The following GLI3 variants were observed in gnomAD, a reference collection of about 807,000 sequenced individuals.
The protein encoded by GLI3 is transcription activator GLI3.
Under a neutral mutation model 100.8 loss-of-function variants are expected in GLI3, and 20 were observed. The observed-to-expected ratio is 0.20, with a 90% CI of 0.14 to 0.29. GLI3 has a LOEUF of 0.29. Among genes scored for constraint, GLI3 ranks in the 10% least tolerant of loss-of-function variants. The pLI is 1.00. For missense variants in GLI3, 2,040 were observed against 2,128.5 expected (o/e 0.96, Z 0.82); for synonymous variants, 938 against 860.5 (o/e 1.09, Z -1.58).
chr7:41,998,801 T>C (rs1208050820), intron 10 of GLI3, among the ~76,000 whole-genome samples: 1 of 152,234 alleles, frequency 6.6e-6, no homozygotes, highest in Non-Finnish European at 1.5e-5. Flanking sequence ...TTTTTTGTGT[T>C]ATGCAAATCT....
intron 4 of GLI3, among the ~76,000 whole-genome samples, chr7:42,062,302 TTTTG>T (rs1372217882): frequency 3.3e-5 from 5 of 152,214 alleles, no homozygotes; most frequent in African/African-American, 9.6e-5. Flanking sequence ...TTGAATACAC[TTTTG>T]TTTAAAATTT....
intron 3 of GLI3, among the ~76,000 whole-genome samples, chr7:42,084,346 G>A (rs1785057749): frequency 6.6e-6 from 1 of 152,184 alleles, no homozygotes; most frequent in African/African-American, 2.4e-5. Context: ...CTTCAGGTAT[G>A]TCCTCAGTCG....
At chr7:42,069,890 T>A (rs561435680) in intron 4 of GLI3, among the ~76,000 whole-genome samples, 2 of 152,310 alleles carry the variant, frequency 1.3e-5, no homozygotes, top group South Asian at 4.1e-4. Flanking sequence ...AGTTTGCCAA[T>A]CCCTGTTTTA....
chr7:42,244,474 C>A (rs1315870077), intron 1 of GLI3, among the ~76,000 whole-genome samples: 1 of 152,066 alleles, frequency 6.6e-6, no homozygotes, highest in Non-Finnish European at 1.5e-5. Context: ...CAAAGTTGAG[C>A]CTGAAATACA....
intron 1 of GLI3, among the ~76,000 whole-genome samples, chr7:42,230,526 G>T (rs1374330599): frequency 6.6e-6 from 1 of 152,200 alleles, no homozygotes; most frequent in Non-Finnish European, 1.5e-5. Flanking sequence ...CCACTGAAAA[G>T]CTTATTTGAC....
chr7:42,123,186 C>T (rs759630405), intron 3 of GLI3, among the ~76,000 whole-genome samples: 1 of 152,176 alleles, frequency 6.6e-6, no homozygotes, highest in African/African-American at 2.4e-5. Flanking sequence ...CAGGCCAACA[C>T]TTTTTTCACC....
chr7:42,223,309 C>A lies in GLI3; in HGVS notation c.-42-14G>T, dbSNP rs78976053. The A allele has an allele frequency of 2.0e-6, 3 of 1,503,838 alleles. No homozygotes were observed. Among genetic ancestry groups the A allele is most frequent in the African/African-American group, 1.4e-5 (1 of 71,760 alleles). 93.2% of individuals were successfully genotyped at this position (1,503,838 alleles called of 1,614,324 possible). On this transcript the variant is annotated splice_polypyrimidine_tract_variant and intron_variant, in intron 1 of 14. Coordinates refer to ENST00000395925, the MANE Select transcript of GLI3 (RefSeq NM_000168.6). The stretch of plus-strand genomic sequence containing the variant: ...ACCAAAAATGCCCTAAAGAAAACAA[C>A]AGAGCCATCAACTTTCCAAAATGGT...
Position 41,966,203 on chromosome 7 carries a change from A to C in GLI3, c.2870T>G (p.Leu957Arg). The C allele has an allele frequency of 6.2e-7, 1 of 1,607,014 alleles. No homozygotes were observed. Among genetic ancestry groups the C allele is most frequent in the Non-Finnish European group, 8.5e-7 (1 of 1,178,570 alleles). ...NMERMSLKTR[L>R]ALLGDALEPG... The stretch of plus-strand genomic sequence containing the variant: ...CTCGAGGGCATCCCCGAGCAGCGCC[A>C]GGCGCGTCTTCAGGCTCATCCTCTC... The change falls in exon 15 of 15, where the codon CTG becomes CGG. Residue 957 changes from leucine to arginine, a missense_variant. Physicochemically the swap from Leu to Arg is moderately radical, Grantham distance 102 (BLOSUM62 -2). Around this residue, in one of 5 missense-constraint regions of GLI3, gnomAD observed 1,041 missense variants for 924.0 expected, o/e 1.13. Coordinates refer to ENST00000395925, the MANE Select transcript of GLI3 (RefSeq NM_000168.6). The surrounding 1 kb of genome is among the most constrained non-coding windows in gnomAD (Gnocchi z 5.8).
At chr7:42,231,644 C>CATTA (rs1222103933) in intron 1 of GLI3, among the ~76,000 whole-genome samples, 1 of 152,208 alleles carries the variant, frequency 6.6e-6, no homozygotes, top group Non-Finnish European at 1.5e-5. Context: ...ACATCAGAGT[C>CATTA]ATTAAGGCTT....
intron 2 of GLI3, chr7:42,172,423 G>A: frequency 1.6e-6 from 1 of 613,294 alleles, no homozygotes; most frequent in Non-Finnish European, 2.9e-6. Context: ...CTATCAAAAA[G>A]CAGAATTAGA....
chr7:42,155,984 G>T (rs184891427), intron 2 of GLI3, among the ~76,000 whole-genome samples: 16 of 152,044 alleles, frequency 1.1e-4, no homozygotes, highest in African/African-American at 3.9e-4. Flanking sequence ...CTCTACCCCC[G>T]GGAGGATGCT....
intron 1 of GLI3, among the ~76,000 whole-genome samples, chr7:42,231,649 A>C (rs1245907032): frequency 1.3e-5 from 2 of 152,216 alleles, no homozygotes; most frequent in East Asian, 1.9e-4. Context: ...AGAGTCATTA[A>C]GGCTTCAATC....
At chr7:42,186,608 C>T (rs1279539469) in intron 2 of GLI3, among the ~76,000 whole-genome samples, 2 of 152,308 alleles carry the variant, frequency 1.3e-5, no homozygotes, top group Non-Finnish European at 1.5e-5. Context: ...TGCAACTGCA[C>T]TATGGAACGC....
intron 1 of GLI3, among the ~76,000 whole-genome samples, chr7:42,255,917 C>T (rs1271409773): frequency 6.6e-6 from 1 of 152,158 alleles, no homozygotes; most frequent in African/African-American, 2.4e-5. Context: ...TACCATTCTG[C>T]ATTATGACTG....
intron 10 of GLI3, among the ~76,000 whole-genome samples, chr7:42,022,995 C>T (rs1788986386): frequency 6.6e-6 from 1 of 152,204 alleles, no homozygotes; most frequent in African/African-American, 2.4e-5. Flanking sequence ...AATTATGCTA[C>T]CTAGCTCATA....
At position 41,983,638 on chromosome 7, in the gene GLI3, A is replaced by T. The variant is rs1787734350; in HGVS notation, c.1498-4890T>A. On this transcript the variant is annotated intron_variant, in intron 10 of 14. Coordinates refer to ENST00000395925, the MANE Select transcript of GLI3 (RefSeq NM_000168.6). ...AATTCCAAACTAATCCAACACATAG[A>T]CATGCAATTTGCCAGAGGCCCGAGA... 2.0e-5 allele frequency among the ~76,000 whole-genome samples: 3 copies of T among 152,216 alleles called. No individual in the cohort carries two copies. In the South Asian group the frequency reaches 6.2e-4, roughly 31 times the overall value.
chr7:42,223,142 T>C lies in GLI3; in HGVS notation c.112A>G (p.Thr38Ala). 4 of 1,614,024 alleles carry C rather than the reference T, an allele frequency of 2.5e-6. No individual in the cohort carries two copies. Among genetic ancestry groups the C allele is most frequent in the Non-Finnish European group, 3.4e-6 (4 of 1,179,966 alleles). Residue 38 changes from threonine (T) to alanine (A), a missense_variant, in exon 2 of 15, where the codon ACC (threonine) becomes GCC (alanine). Thr to Ala is a moderately conservative substitution (Grantham distance 58, BLOSUM62 0). This residue lies in a region of GLI3 where 603 missense variants were observed against 690.9 expected (regional missense o/e 0.87). Coordinates refer to ENST00000395925, the MANE Select transcript of GLI3 (RefSeq NM_000168.6). ...DVSEKAVASS[T>A]TSNEDESPGQ... ...CTGTGCTGCTCACCATTAGAAGTGG[T>C]GCTGGAGGCAACGGCTTTCTCGCTC...
chr7:42,121,721 C>T (rs1014673115), intron 3 of GLI3, among the ~76,000 whole-genome samples: 1 of 152,078 alleles, frequency 6.6e-6, no homozygotes, highest in Non-Finnish European at 1.5e-5. Flanking sequence ...CCTCATGTCC[C>T]CACCTCCTCC....
chr7:41,990,746 C>T (rs1013443258), intron 10 of GLI3, among the ~76,000 whole-genome samples: 2 of 152,138 alleles, frequency 1.3e-5, no homozygotes, highest in African/African-American at 4.8e-5. Flanking sequence ...ACAGTCCAAA[C>T]TACATCCACG....
Sources: gnomAD v4.1 joint callset for allele counts (sites outside exome capture counted in the v4.1 genomes callset) on GRCh38, gnomAD v4.1.1 for gene constraint, gnomAD v4.1.1 regional missense constraint, Gnocchi (gnomAD v3.1) non-coding constraint, MANE v1.5 for transcripts, NCBI Gene and HGNC (gene_info 2026-07-23, HGNC 2026-07-21) for gene names.